SATB1: variants seen among roughly 807,000 people sequenced by gnomAD.
The protein encoded by SATB1 is SATB homeobox 1, also known as DNA-binding protein SATB1.
A neutral mutation model predicts 86.9 loss-of-function variants in SATB1; 11 were observed. The observed-to-expected ratio is 0.13, with a 90% confidence interval of 0.08 to 0.21. The LOEUF (loss-of-function observed/expected upper bound fraction) is 0.21, where lower values mean the gene tolerates loss of function less well. Ranked by LOEUF, SATB1 falls within the 10% of genes least tolerant of loss-of-function variation. SATB1 has a pLI of 1.00. For synonymous variants in SATB1, 357 were observed against 357.2 expected (o/e 1.00, Z 0.01); for missense variants, 551 against 937.6 (o/e 0.59, Z 5.39).
At chr3:18,421,048 A>G (rs1575170517) in intron 1 of SATB1, 57 bp from the exon 2 acceptor site, 2 of 1,143,274 alleles carry the variant, frequency 1.7e-6, no homozygotes, top group East Asian at 4.7e-5. Flanking sequence ...ACGTGTATAT[A>G]TGTGTCCTAT....
chr3:18,415,882 G>C (rs1037184326), intron 4 of SATB1, 125 bp downstream of exon 4: 2 of 755,360 alleles, frequency 2.6e-6, no homozygotes, highest in African/African-American at 3.6e-5. Flanking sequence ...TAACAAAATC[G>C]ATCTGTATTA....
At chr3:18,370,322 G>A (rs904993808) in intron 9 of SATB1, among the ~76,000 whole-genome samples, 4 of 151,958 alleles carry the variant, frequency 2.6e-5, no homozygotes, top group African/African-American at 9.7e-5. Flanking sequence ...TCCAACCTGT[G>A]TATTCTTATA....
rs114328242 is a variant in SATB1, at chr3:18,366,136, A to G, written c.1575+12034T>C. On this transcript the variant is annotated intron_variant, in intron 9 of 10. Coordinates refer to ENST00000338745, the MANE Select transcript of SATB1 (RefSeq NM_002971.6). ...GACAAGCAGCACTCCTGTTGGTACC[A>G]TAAGTAAAATGGGTAAACATTTAAA... 8.3e-3 allele frequency among the ~76,000 whole-genome samples: 1,266 copies of G among 152,338 alleles called. 19 individuals are homozygous for G. Among genetic ancestry groups the G allele is most frequent in the African/African-American group, 0.03 (1,230 of 41,572 alleles).
chr3:18,418,958 A>G (rs1479736603), intron 2 of SATB1, among the ~76,000 whole-genome samples: 1 of 152,206 alleles, frequency 6.6e-6, no homozygotes, highest in Non-Finnish European at 1.5e-5. Context: ...CTGTCCTGAT[A>G]TCTTCAAAGA....
intron 9 of SATB1, among the ~76,000 whole-genome samples, chr3:18,356,419 G>GA (rs34464594): frequency 0.59 from 71,763 of 121,898 alleles, 20,728 homozygotes; most frequent in African/African-American, 0.71. Flanking sequence ...ATGTAAGATT[G>GA]AAAAAAAAAA....
At chr3:18,445,183 C>G in intron 1 of SATB1, 1 of 974,694 alleles carries the variant, frequency 1.0e-6, no homozygotes, top group Non-Finnish European at 1.2e-6. Context: ...GGCCAGGGCC[C>G]GGCCCGCCTC....
chr3:18,354,033 CT>C (rs1216782628), intron 9 of SATB1, among the ~76,000 whole-genome samples: 1 of 152,276 alleles, frequency 6.6e-6, no homozygotes, highest in African/African-American at 2.4e-5. Flanking sequence ...ATTTGCTTCT[CT>C]TCTAACCATG....
chr3:18,392,938 T>C (rs1380279938), intron 7 of SATB1, among the ~76,000 whole-genome samples: 1 of 150,622 alleles, frequency 6.6e-6, no homozygotes, highest in Admixed American at 6.6e-5. Context: ...GACATAGCCT[T>C]GTGCAACTGC....
At chr3:18,420,673 T>C (rs1049508179) in intron 2 of SATB1, 84 bp downstream of exon 2, 4 of 1,062,480 alleles carry the variant, frequency 3.8e-6, no homozygotes, top group Non-Finnish European at 5.8e-6. Flanking sequence ...CAAAACATGT[T>C]CTGCCACTCC....
chr3:18,351,748 GTGTAAAAAAGGGGTTCC>G (rs1406615084), intron 10 of SATB1: 1 of 543,458 alleles, frequency 1.8e-6, no homozygotes, highest in Non-Finnish European at 3.3e-6. Flanking sequence ...TGCCAAACGA[GTGTAAAAAAGGGGTTCC>G]TGTTGCTTTG....
intron 5 of SATB1, among the ~76,000 whole-genome samples, chr3:18,414,261 T>C (rs776982082): frequency 2.0e-5 from 3 of 152,104 alleles, no homozygotes; most frequent in African/African-American, 7.2e-5. Context: ...CACATTTACA[T>C]GGTGACCACA....
intron 7 of SATB1, among the ~76,000 whole-genome samples, chr3:18,392,714 T>C (rs1052509798): frequency 2.0e-5 from 3 of 151,980 alleles, no homozygotes; most frequent in African/African-American, 7.2e-5. Flanking sequence ...TTTGGCCTAG[T>C]ACGGAGAATT....
chr3:18,415,348 T>G, intron 4 of SATB1, 114 bp from the exon 5 acceptor site: 1 of 1,188,348 alleles, frequency 8.4e-7, no homozygotes, highest in Non-Finnish European at 1.2e-6. Flanking sequence ...CATCTGGAGA[T>G]TGCTCTCGGT....
At chr3:18,383,935 T>C (rs1221044819) in intron 8 of SATB1, among the ~76,000 whole-genome samples, 1 of 152,234 alleles carries the variant, frequency 6.6e-6, no homozygotes. Context: ...TAAAGATTTA[T>C]ATTGCAGCAG....
upstream of SATB1, among the ~76,000 whole-genome samples, chr3:18,439,293 A>G (rs1350044411): frequency 6.6e-6 from 1 of 152,240 alleles, no homozygotes; most frequent in African/African-American, 2.4e-5. Context: ...AAACTGCAAC[A>G]ACTGTAAAAG....
At chr3:18,377,836 T>C (rs544480559) in intron 9 of SATB1, among the ~76,000 whole-genome samples, 1 of 152,246 alleles carries the variant, frequency 6.6e-6, no homozygotes, top group African/African-American at 2.4e-5. Context: ...ATCTAAGCAA[T>C]AATGAAATAA....
intron 5 of SATB1, among the ~76,000 whole-genome samples, chr3:18,404,857 T>C (rs767612075): frequency 6.6e-6 from 1 of 151,974 alleles, no homozygotes; most frequent in Non-Finnish European, 1.5e-5. Context: ...TTAAAAGGTA[T>C]ATTAAGAGCA....
rs566295212 is a variant in SATB1 at position 18,363,288 on chromosome 3, C to T, written c.1576-11093G>A. ...ATTTTGCTGATAAAGTGTCCAAAAC[C>T]GCATCATTTTATCCATTATACAAAC... On this transcript the variant is annotated intron_variant, in intron 9 of 10. Coordinates refer to ENST00000338745, the MANE Select transcript of SATB1 (RefSeq NM_002971.6). Among the ~76,000 whole-genome samples, 7 of 152,174 alleles carry T rather than the reference C, an allele frequency of 4.6e-5. No homozygotes were observed. In the East Asian group the frequency reaches 5.8e-4, roughly 13 times the overall value.
chr3:18,399,543 A>G (rs1697142925), intron 5 of SATB1, among the ~76,000 whole-genome samples: 1 of 152,192 alleles, frequency 6.6e-6, no homozygotes, highest in South Asian at 2.1e-4. Flanking sequence ...TAATAGTGCT[A>G]TACAGTTTAT....
Sources: gnomAD v4.1 joint callset for allele counts (sites outside exome capture counted in the v4.1 genomes callset) on GRCh38, gnomAD v4.1.1 for gene constraint, MANE v1.5 for transcripts, NCBI Gene and HGNC (gene_info 2026-07-23, HGNC 2026-07-21) for gene names.